Variants in PIK3C2G observed in about 807,000 individuals in gnomAD.
PIK3C2G encodes the protein phosphatidylinositol 3-kinase C2 domain-containing subunit gamma.
PIK3C2G carries 168 observed loss-of-function variants against 181.1 expected under a neutral mutation model. The ratio of observed to expected loss-of-function variants is 0.93; its 90% CI spans 0.82 to 1.05. PIK3C2G has a LOEUF of 1.05. PIK3C2G is among the 50% of genes least tolerant of loss of function. PIK3C2G has a pLI of 0.00. For missense variants in PIK3C2G, 1,869 were observed against 1,732.8 expected (o/e 1.08, Z -1.40); for synonymous variants, 573 against 592.2 (o/e 0.97, Z 0.47).
the PIK3C2G span, chr12:18,693,261 G>T: frequency 6.5e-7 from 1 of 1,532,954 alleles, no homozygotes; most frequent in East Asian, 2.2e-5. Flanking sequence ...CATGATAGGG[G>T]TGCTGATGGA....
chr12:18,702,900 A>C, the PIK3C2G span, among the ~76,000 whole-genome samples: 1 of 144,214 alleles, frequency 6.9e-6, no homozygotes, highest in African/African-American at 2.6e-5. Context: ...AGCTCACTGC[A>C]ACCTCCGCCT....
At chr12:18,705,324 G>C in the PIK3C2G span, 7 of 1,613,806 alleles carry the variant, frequency 4.3e-6, no homozygotes, top group Non-Finnish European at 5.9e-6. Context: ...GTCTAAAAAA[G>C]TAACCATTAC....
intron 24 of PIK3C2G, among the ~76,000 whole-genome samples, chr12:18,522,504 A>G (rs1452417614): frequency 2.0e-5 from 3 of 150,966 alleles, no homozygotes; most frequent in African/African-American, 7.3e-5. Context: ...TGCCAGGTAA[A>G]GTATTCTTGT....
chr12:18,315,646 A>G (rs975774718), intron 6 of PIK3C2G, among the ~76,000 whole-genome samples: 2 of 152,180 alleles, frequency 1.3e-5, no homozygotes, highest in Non-Finnish European at 2.9e-5. Context: ...CAATAATTCT[A>G]TAAGGTAAAC....
chr12:18,655,492 T>C, the PIK3C2G span, among the ~76,000 whole-genome samples: 4 of 152,110 alleles, frequency 2.6e-5, no homozygotes, highest in African/African-American at 9.7e-5. Context: ...TGATAAAAGG[T>C]AGAACATAGC....
chr12:18,577,477 A>G (rs1308724049), intron 29 of PIK3C2G, among the ~76,000 whole-genome samples: 1 of 152,214 alleles, frequency 6.6e-6, no homozygotes, highest in African/African-American at 2.4e-5. Context: ...AAGCAAGGCT[A>G]AAGAAATTCC....
chr12:18,588,801 A>C (rs538613153), intron 29 of PIK3C2G, among the ~76,000 whole-genome samples: 34 of 152,178 alleles, frequency 2.2e-4, no homozygotes, highest in Non-Finnish European at 4.0e-4. Flanking sequence ...GTGTAGGCTT[A>C]TTGCAACACT....
chr12:18,532,445 AACT>A (rs1943606643), intron 24 of PIK3C2G, among the ~76,000 whole-genome samples: 1 of 152,140 alleles, frequency 6.6e-6, no homozygotes, highest in Non-Finnish European at 1.5e-5. Context: ...AAAGTTGTAT[AACT>A]TTACATTTTA....
At chr12:18,449,289 A>AT (rs1270026871) in intron 18 of PIK3C2G, among the ~76,000 whole-genome samples, 4 of 151,504 alleles carry the variant, frequency 2.6e-5, no homozygotes, top group South Asian at 4.2e-4. Context: ...ATTATTTATT[A>AT]TTTTTTTTAT....
chr12:18,445,743 G>A (rs932878176), intron 18 of PIK3C2G, among the ~76,000 whole-genome samples: 2 of 152,052 alleles, frequency 1.3e-5, no homozygotes, highest in Non-Finnish European at 2.9e-5. Flanking sequence ...ATTTACTTTA[G>A]AAAGCACTCT....
At chr12:18,427,490 G>A (rs1391197076) in intron 18 of PIK3C2G, among the ~76,000 whole-genome samples, 1 of 129,592 alleles carries the variant, frequency 7.7e-6, no homozygotes, top group African/African-American at 2.9e-5. Flanking sequence ...TGACAACAGC[G>A]AGACTCCATT....
chr12:18,531,957 A>AT (rs148807002), intron 24 of PIK3C2G, among the ~76,000 whole-genome samples: 11,492 of 152,200 alleles, frequency 0.076, 552 homozygotes, highest in Middle Eastern at 0.2. Context: ...CTGCCAAGTG[A>AT]TTTTCCAGAG....
At chr12:18,584,785 G>A (rs2136441950) in intron 29 of PIK3C2G, among the ~76,000 whole-genome samples, 1 of 152,128 alleles carries the variant, frequency 6.6e-6, no homozygotes, top group South Asian at 2.1e-4. Context: ...ATTAAAAGGA[G>A]CTAGAGAGAA....
At chr12:18,606,077 T>C (rs1231291427) in intron 30 of PIK3C2G, among the ~76,000 whole-genome samples, 2 of 152,184 alleles carry the variant, frequency 1.3e-5, no homozygotes, top group African/African-American at 4.8e-5. Context: ...CATTGACTAC[T>C]GAGTGTCAAT....
intron 24 of PIK3C2G, among the ~76,000 whole-genome samples, chr12:18,536,139 A>G (rs978079049): frequency 1.3e-5 from 2 of 152,144 alleles, no homozygotes; most frequent in African/African-American, 4.8e-5. Flanking sequence ...TCAAAGATCC[A>G]CTTACGGGTT....
chr12:18,288,432 A>G (rs1949547957), intron 3 of PIK3C2G, among the ~76,000 whole-genome samples: 1 of 152,164 alleles, frequency 6.6e-6, no homozygotes, highest in Admixed American at 6.5e-5. Flanking sequence ...GCCTCATAAA[A>G]CCTATAACCA....
chr12:18,326,585 G>A (rs755299987), intron 8 of PIK3C2G, among the ~76,000 whole-genome samples: 30 of 152,130 alleles, frequency 2.0e-4, no homozygotes, highest in Non-Finnish European at 3.8e-4. Context: ...TCCCTAAAGT[G>A]TAATCCTCTC....
the PIK3C2G span, among the ~76,000 whole-genome samples, chr12:18,698,477 C>T: frequency 6.6e-6 from 1 of 152,094 alleles, no homozygotes; most frequent in Non-Finnish European, 1.5e-5. Flanking sequence ...CTAAAGTATA[C>T]TTCAAAATCT....
At position 18,331,251 on chromosome 12, in the gene PIK3C2G, G is replaced by T. The variant is rs182627143; in HGVS notation, c.1272+6153G>T. ...TACGATTGCGTTGAATATATAGATTGATGTAAGGAAACTTGATATTTTAAA... is the reference window on the plus strand; with the variant it reads ...TACGATTGCGTTGAATATATAGATTTATGTAAGGAAACTTGATATTTTAAA... On this transcript the variant is annotated intron_variant, in intron 8 of 32. Coordinates refer to ENST00000538779, the MANE Select transcript of PIK3C2G (RefSeq NM_001288772.2). Among the ~76,000 whole-genome samples the T allele has an allele frequency of 3.6e-3, 546 of 152,204 alleles. 2 individuals are homozygous for T. The highest frequency in any genetic ancestry group is 0.012 in the African/African-American group (507 of 41,560).
Sources: allele counts gnomAD v4.1 joint callset (sites outside exome capture counted in the v4.1 genomes callset), GRCh38; gene constraint gnomAD v4.1.1; transcripts MANE v1.5; gene names NCBI Gene and HGNC (gene_info 2026-07-23, HGNC 2026-07-21).